SUGCT: variants seen among roughly 807,000 people sequenced by gnomAD.
SUGCT encodes succinyl-CoA:glutarate-CoA transferase, also known as succinyl-CoA:glutarate CoA-transferase.
Under a neutral mutation model 55.0 loss-of-function variants are expected in SUGCT, and 41 were observed. The observed-to-expected ratio is 0.74, with a 90% confidence interval of 0.58 to 0.97. SUGCT has a LOEUF of 0.97. Among genes scored for constraint, SUGCT ranks in the 50% least tolerant of loss-of-function variants. The probability of loss-of-function intolerance (pLI) is 0.00; values close to 1 mark genes in which losing one functional copy is unlikely to be tolerated. For synonymous variants in SUGCT, 187 were observed against 200.4 expected, an observed-to-expected ratio of 0.93 and a Z score of 0.56; for missense variants, 568 against 547.8, an observed-to-expected ratio of 1.04 and a Z score of -0.37.
At chr7:40,865,420 A>G (rs190878663), downstream of SUGCT, among the ~76,000 whole-genome samples, 451 of 152,308 alleles carry the variant, frequency 3.0e-3, 3 homozygotes, top group African/African-American at 0.01. Context: ...CCCTTGAAAC[A>G]CAGGGAAAGA....
chr7:40,673,968 A>T (rs1250140210), intron 12 of SUGCT, among the ~76,000 whole-genome samples: 2 of 152,202 alleles, frequency 1.3e-5, no homozygotes, highest in African/African-American at 4.8e-5. Context: ...GCCACTTAAT[A>T]ACAAACAGGC....
intron 8 of SUGCT, among the ~76,000 whole-genome samples, chr7:40,307,373 C>T (rs1490137133): frequency 6.6e-6 from 1 of 151,938 alleles, no homozygotes; most frequent in African/African-American, 2.4e-5. Context: ...TTTTCTTTAC[C>T]AAGTAGTAAG....
Position 40,454,344 on chromosome 7 carries a change from C to G in SUGCT, c.889-4757C>G, listed in dbSNP as rs1789355356. Among the ~76,000 whole-genome samples, 3 of 152,062 alleles carry G rather than the reference C, an allele frequency of 2.0e-5. No homozygotes were observed. In the South Asian group the frequency reaches 6.2e-4, roughly 32 times the overall value. ...TTCAGCAAACCATAAATGGGATAAA[C>G]TGAAAAAAATCTATGCATGAATACA... On this transcript the variant is annotated intron_variant, in intron 10 of 13. Coordinates refer to ENST00000335693, the MANE Select transcript of SUGCT (RefSeq NM_001193313.2).
rs554168944 is a variant in SUGCT, at chr7:40,836,601, C to T, written c.1154-23715C>T. 2.0e-5 allele frequency among the ~76,000 whole-genome samples: 3 copies of T among 152,264 alleles called. No homozygotes were observed. In the South Asian group the frequency reaches 6.2e-4, roughly 32 times the overall value. ...TCATTCTGCCCTTTTAGAGGGACCA[C>T]CACTTCCCTCTCTCCCTCCTTCTAT... is the stretch of plus-strand genomic sequence containing the variant. On this transcript the variant is annotated intron_variant, in intron 13 of 13. Coordinates refer to ENST00000335693, the MANE Select transcript of SUGCT (RefSeq NM_001193313.2).
chr7:40,770,974 T>C (rs1456823557), intron 13 of SUGCT, among the ~76,000 whole-genome samples: 1 of 152,192 alleles, frequency 6.6e-6, no homozygotes, highest in African/African-American at 2.4e-5. Context: ...AATGTATTTA[T>C]AGTGAATGAA....
At chr7:40,815,614 G>C (rs1462150470) in intron 13 of SUGCT, among the ~76,000 whole-genome samples, 2 of 152,134 alleles carry the variant, frequency 1.3e-5, no homozygotes, top group African/African-American at 4.8e-5. Flanking sequence ...GATTTGCCTG[G>C]GCATGGAGCA....
the SUGCT span, among the ~76,000 whole-genome samples, chr7:40,935,903 A>G: frequency 6.6e-6 from 1 of 152,120 alleles, no homozygotes; most frequent in African/African-American, 2.4e-5. Flanking sequence ...CTTTACCAAC[A>G]TTTGTTATTG....
chr7:41,010,011 T>C, the SUGCT span, among the ~76,000 whole-genome samples: 1 of 152,192 alleles, frequency 6.6e-6, no homozygotes, highest in African/African-American at 2.4e-5. Flanking sequence ...CCTACATGTG[T>C]TTGCGCTGGA....
At chr7:40,496,736 T>TACCTCTGATCATATGATTATCTTCA (rs1562818127) in intron 12 of SUGCT, among the ~76,000 whole-genome samples, 8 of 146,604 alleles carry the variant, frequency 5.5e-5, no homozygotes, top group Non-Finnish European at 1.2e-4. Flanking sequence ...AGAACTTTCA[T>TACCTCTGATCATATGATTATCTTCA]ACCTCTGATC....
chr7:40,475,087 C>A (rs1257744931), intron 11 of SUGCT, among the ~76,000 whole-genome samples: 1 of 152,190 alleles, frequency 6.6e-6, no homozygotes, highest in Non-Finnish European at 1.5e-5. Context: ...ATTACTAAAT[C>A]ACCTTTTAAA....
chr7:41,007,677 A>C, the SUGCT span, among the ~76,000 whole-genome samples: 1 of 152,192 alleles, frequency 6.6e-6, no homozygotes, highest in Non-Finnish European at 1.5e-5. Flanking sequence ...GTGAAACTAC[A>C]CTATGCAATC....
chr7:40,182,309 G>A (rs1185420173), intron 3 of SUGCT, among the ~76,000 whole-genome samples: 1 of 152,204 alleles, frequency 6.6e-6, no homozygotes, highest in African/African-American at 2.4e-5. Flanking sequence ...GTTGACGCCT[G>A]TAATCCCAGC....
At chr7:40,952,379 C>A in the SUGCT span, among the ~76,000 whole-genome samples, 1 of 152,162 alleles carries the variant, frequency 6.6e-6, no homozygotes, top group Non-Finnish European at 1.5e-5. Context: ...CTGAATACAG[C>A]ACACTGATAG....
At chr7:40,459,983 TC>T (rs1393597346) in intron 11 of SUGCT, among the ~76,000 whole-genome samples, 2 of 152,194 alleles carry the variant, frequency 1.3e-5, no homozygotes, top group African/African-American at 4.8e-5. Context: ...CATGAACTTT[TC>T]TTTTATATTG....
In SUGCT at chr7:40,450,445, T is replaced by C. The variant is rs185333476; in HGVS notation, c.888+1087T>C. 1.2e-4 allele frequency among the ~76,000 whole-genome samples: 18 copies of C among 151,720 alleles called. No individual in the cohort carries two copies. In the East Asian group the frequency reaches 3.3e-3, roughly 28 times the overall value. ...TTTTTTGAGAGACAATCAGCTTTTA[T>C]ACTAAATTTTACCATGAGCTTTCAG... On this transcript the variant is annotated intron_variant, in intron 10 of 13. Transcript: ENST00000335693.
the SUGCT span, among the ~76,000 whole-genome samples, chr7:40,986,166 T>C: frequency 6.6e-6 from 1 of 152,208 alleles, no homozygotes; most frequent in Admixed American, 6.5e-5. Context: ...ATACTATTTC[T>C]TATTTGAAAG....
chr7:40,974,017 C>T, the SUGCT span, among the ~76,000 whole-genome samples: 1 of 152,302 alleles, frequency 6.6e-6, no homozygotes, highest in Non-Finnish European at 1.5e-5. Context: ...ATGGTATTTG[C>T]TTGAAGTCAA....
chr7:40,881,954 T>C, the SUGCT span, among the ~76,000 whole-genome samples: 1 of 152,252 alleles, frequency 6.6e-6, no homozygotes, highest in African/African-American at 2.4e-5. Context: ...TTTGGTTTGC[T>C]AAGGAAATCA....
intron 12 of SUGCT, among the ~76,000 whole-genome samples, chr7:40,523,232 TC>T (rs1322428654): frequency 1.3e-5 from 2 of 152,012 alleles, no homozygotes; most frequent in Non-Finnish European, 2.9e-5. Context: ...TATATCAAAA[TC>T]CCCCAAATGA....
Sources: gnomAD v4.1 joint callset for allele counts (sites outside exome capture counted in the v4.1 genomes callset) on GRCh38, gnomAD v4.1.1 for gene constraint, MANE v1.5 for transcripts, NCBI Gene and HGNC (gene_info 2026-07-23, HGNC 2026-07-21) for gene names.